ANXA6: variants seen among roughly 807,000 people sequenced by gnomAD.
The protein encoded by ANXA6 is annexin A6.
ANXA6 carries 71 observed loss-of-function variants against 95.4 expected under a neutral mutation model. The observed-to-expected ratio is 0.74, with a 90% confidence interval of 0.61 to 0.91. The LOEUF is 0.91. ANXA6 is among the 40% of genes least tolerant of loss of function. The pLI is 0.00. For synonymous variants in ANXA6, 289 were observed against 315.9 expected (o/e 0.91, Z 0.90); for missense variants, 830 against 876.4 (o/e 0.95, Z 0.67).
At position 151,117,838 on chromosome 5, in the gene ANXA6, C is replaced by G; in HGVS notation, c.1439-1G>C. On this transcript the variant is annotated splice_acceptor_variant, in intron 18 of 25. Transcript: ENST00000354546. LOFTEE classifies it high-confidence loss of function. ...GCATCCTCCAGGGACTTGTGATAGT[C>G]TGAGGCAGAGAAAGGGGGTGTGGGT... The G allele has an allele frequency of 6.2e-7, 1 of 1,613,238 alleles. No individual in the cohort carries two copies. Among genetic ancestry groups the G allele is most frequent in the Non-Finnish European group, 8.5e-7 (1 of 1,179,388 alleles).
chr5:151,122,040 G>A (rs886170587), intron 17 of ANXA6, 107 bp downstream of exon 17: 1 of 626,902 alleles, frequency 1.6e-6, no homozygotes. Flanking sequence ...ACTGAGTATG[G>A]GAGGAGTTCT....
At chr5:151,140,964 C>G (rs1227330817) in intron 2 of ANXA6, among the ~76,000 whole-genome samples, 1 of 152,216 alleles carries the variant, frequency 6.6e-6, no homozygotes, top group Non-Finnish European at 1.5e-5. Flanking sequence ...GGGTCCTGGG[C>G]ACAGGGGGCC....
intron 7 of ANXA6, 45 bp downstream of exon 7, chr5:151,136,211 A>T: frequency 1.9e-6 from 3 of 1,595,452 alleles, no homozygotes; most frequent in Non-Finnish European, 2.6e-6. Context: ...AGCCAGACAA[A>T]AGCTATCCCA....
intron 24 of ANXA6, 141 bp from the exon 25 acceptor site, chr5:151,103,833 A>G: frequency 1.9e-6 from 2 of 1,057,326 alleles, no homozygotes. Flanking sequence ...TCTTCTGCAA[A>G]CAGTCCTGAC....
chr5:151,121,821 C>CT (rs1765176250), intron 17 of ANXA6, among the ~76,000 whole-genome samples: 1 of 152,190 alleles, frequency 6.6e-6, no homozygotes, highest in African/African-American at 2.4e-5. Context: ...GGAACTCTTT[C>CT]TGCTGGAGCC....
intron 1 of ANXA6, among the ~76,000 whole-genome samples, chr5:151,155,918 G>C (rs900001023): frequency 6.6e-6 from 1 of 152,170 alleles, no homozygotes; most frequent in Non-Finnish European, 1.5e-5. Context: ...GCTGCAGTGC[G>C]GATGTGCCAG....
chr5:151,132,620 C>T (rs77208973), intron 9 of ANXA6, 49 bp from the exon 10 acceptor site: 98 of 1,508,452 alleles, frequency 6.5e-5, no homozygotes, highest in Non-Finnish European at 7.9e-5. Flanking sequence ...TCTGTACCCC[C>T]GAGAAGAAAT....
At chr5:151,141,863 G>C (rs1765846669) in intron 2 of ANXA6, among the ~76,000 whole-genome samples, 1 of 152,186 alleles carries the variant, frequency 6.6e-6, no homozygotes, top group Admixed American at 6.5e-5. Flanking sequence ...GCGCAGGATG[G>C]GGGCTTTACT....
intron 1 of ANXA6, among the ~76,000 whole-genome samples, chr5:151,154,120 C>G (rs1895284): frequency 0.012 from 1,811 of 152,030 alleles, 35 homozygotes; most frequent in African/African-American, 0.042. Flanking sequence ...ACTTACCCAA[C>G]ATCAGAAGAA....
intron 7 of ANXA6, among the ~76,000 whole-genome samples, chr5:151,135,764 T>C (rs1765640556): frequency 6.6e-6 from 1 of 152,234 alleles, no homozygotes; most frequent in African/African-American, 2.4e-5. Flanking sequence ...TTTTTAAATG[T>C]TAGCAACTAA....
chr5:151,108,261 AC>A (rs1474821883), intron 23 of ANXA6, among the ~76,000 whole-genome samples, 193 bp downstream of exon 23: 1 of 151,364 alleles, frequency 6.6e-6, no homozygotes, highest in African/African-American at 2.4e-5. Flanking sequence ...TTATTTTCTC[AC>A]CCTCTCCTGC....
intron 18 of ANXA6, 106 bp downstream of exon 18, chr5:151,119,194 G>A: frequency 1.1e-6 from 1 of 922,992 alleles, no homozygotes; most frequent in Non-Finnish European, 1.8e-6. Context: ...CAAGGACTGA[G>A]GGAAAGGAGA....
rs763145975 is a variant in ANXA6, at chr5:151,133,094, C to A, written c.640G>T (p.Val214Leu). ...GCTTCAGGTCTTCTCTGGAGCTTAC[C>A]CAACCGAAGATGCTGCTTGCTGCGA... ...GNRSKQHLRL[V>L]FDEYLKTTGK... The change falls in exon 9 of 26, where the codon GTG (valine) becomes TTG (leucine). Residue 214 changes from valine (V) to leucine (L), a missense_variant and splice_region_variant. Physicochemically the swap from Val to Leu is conservative, Grantham distance 32. Coordinates refer to ENST00000354546, the MANE Select transcript of ANXA6 (RefSeq NM_001155.5). 6.3e-7 allele frequency: 1 copy of A among 1,589,442 alleles called. No individual in the cohort carries two copies.
chr5:151,134,246 C>T (rs1441315898), intron 8 of ANXA6, among the ~76,000 whole-genome samples, 181 bp downstream of exon 8: 1 of 152,186 alleles, frequency 6.6e-6, no homozygotes, highest in African/African-American at 2.4e-5. Context: ...TGGGATATAC[C>T]TTTGAAAGAT....
chr5:151,130,073 T>C (rs1428523041), intron 11 of ANXA6, among the ~76,000 whole-genome samples: 4 of 152,224 alleles, frequency 2.6e-5, no homozygotes, highest in Non-Finnish European at 5.9e-5. Flanking sequence ...AATTTTACCA[T>C]AGCTTTGTAA....
rs559857954 is a variant in ANXA6 at position 151,122,127 on chromosome 5, C to A, written c.1347+20G>T. On this transcript the variant is annotated intron_variant, in intron 17 of 25. Coordinates refer to ENST00000354546, the MANE Select transcript of ANXA6 (RefSeq NM_001155.5). ...CTATTGGCACCCGCAGACACTAGAC[C>A]CCCTGGTGCCACACTGTACCTCCAT... 4.1e-5 allele frequency: 62 copies of A among 1,517,050 alleles called. No individual in the cohort carries two copies. In the East Asian group the frequency reaches 1.4e-3, roughly 34 times the overall value. The allele number at this position is 1,517,050 out of a possible 1,614,324, so 94.0% of individuals were successfully genotyped here. A position where few individuals can be genotyped will look rare whatever the true frequency, so the allele number is the denominator to read the frequency against.
chr5:151,127,948 C>G (rs1168231307), intron 13 of ANXA6, among the ~76,000 whole-genome samples: 1 of 152,158 alleles, frequency 6.6e-6, no homozygotes, highest in African/African-American at 2.4e-5. Flanking sequence ...TTCACAAGAG[C>G]AGACATCTCC....
chr5:151,156,708 C>T (rs1766246315), intron 1 of ANXA6, among the ~76,000 whole-genome samples: 1 of 152,022 alleles, frequency 6.6e-6, no homozygotes, highest in Non-Finnish European at 1.5e-5. Flanking sequence ...TTAGTTGTCC[C>T]AAAGGACCTC....
intron 9 of ANXA6, among the ~76,000 whole-genome samples, 166 bp downstream of exon 9, chr5:151,132,928 A>G (rs1765558024): frequency 6.6e-6 from 1 of 151,274 alleles, no homozygotes; most frequent in South Asian, 2.1e-4. Context: ...AAACGGCAAA[A>G]ACCGCAGTTA....
Sources: allele counts gnomAD v4.1 joint callset (sites outside exome capture counted in the v4.1 genomes callset), GRCh38; gene constraint gnomAD v4.1.1; transcripts MANE v1.5; gene names NCBI Gene and HGNC (gene_info 2026-07-23, HGNC 2026-07-21).